Variants in HIVEP3 observed in about 807,000 individuals in gnomAD.
HIVEP3 encodes the protein HIVEP zinc finger 3, also known as transcription factor HIVEP3.
A neutral mutation model predicts 152.8 loss-of-function variants in HIVEP3; 49 were observed. The ratio of observed to expected loss-of-function variants is 0.32; its 90% CI spans 0.26 to 0.41. The LOEUF is 0.41. Among genes scored for constraint, HIVEP3 ranks in the 10% least tolerant of loss-of-function variants. HIVEP3 has a pLI of 1.00. For missense variants in HIVEP3, 2,790 were observed against 3,103.3 expected (o/e 0.90, Z 2.40); for synonymous variants, 1,269 against 1,289.0 (o/e 0.98, Z 0.33).
chr1:41,544,639 TCAC>T (rs1403013502), intron 5 of HIVEP3, among the ~76,000 whole-genome samples: 1 of 110,660 alleles, frequency 9.0e-6, no homozygotes, highest in African/African-American at 3.8e-5. Context: ...GCTACTACCA[TCAC>T]CACCACCACT....
intron 2 of HIVEP3, among the ~76,000 whole-genome samples, chr1:41,678,528 C>T (rs545149985): frequency 4.0e-5 from 6 of 150,780 alleles, no homozygotes; most frequent in East Asian, 1.9e-4. Context: ...GGGTGGCCTC[C>T]GGCTCGCGCT....
At chr1:41,710,316 A>C (rs1407297519) in intron 1 of HIVEP3, among the ~76,000 whole-genome samples, 1 of 152,144 alleles carries the variant, frequency 6.6e-6, no homozygotes, top group African/African-American at 2.4e-5. Flanking sequence ...CAAAAGGAAA[A>C]CAGAAGCACA....
intron 1 of HIVEP3, among the ~76,000 whole-genome samples, chr1:42,035,503 T>C (rs1645636420): frequency 6.6e-6 from 1 of 151,992 alleles, no homozygotes; most frequent in South Asian, 2.1e-4. Context: ...CGGGGACAGG[T>C]GTGGGGCCCG....
chr1:41,985,887 C>G (rs899434901), intron 1 of HIVEP3, among the ~76,000 whole-genome samples: 3 of 152,116 alleles, frequency 2.0e-5, no homozygotes, highest in African/African-American at 4.8e-5. Flanking sequence ...GCCTGGAAAA[C>G]TTTCAGTGCA....
intron 4 of HIVEP3, among the ~76,000 whole-genome samples, chr1:41,577,611 T>C (rs184134693): frequency 9.2e-5 from 14 of 152,262 alleles, no homozygotes; most frequent in Admixed American, 5.2e-4. Flanking sequence ...AAAAACATCA[T>C]GGGGTGTCCT....
At chr1:41,700,425 A>G (rs1193584008) in intron 2 of HIVEP3, among the ~76,000 whole-genome samples, 2 of 152,208 alleles carry the variant, frequency 1.3e-5, no homozygotes, top group South Asian at 4.1e-4. Context: ...CACACAGCTC[A>G]GTCCAGGATC....
At chr1:41,568,609 G>A (rs963289497) in intron 5 of HIVEP3, among the ~76,000 whole-genome samples, 1 of 152,242 alleles carries the variant, frequency 6.6e-6, no homozygotes, top group African/African-American at 2.4e-5. Context: ...ACCCAGGTGT[G>A]AGCTACCAGT....
At chr1:41,890,626 G>GA (rs1242370406) in intron 1 of HIVEP3, among the ~76,000 whole-genome samples, 1 of 152,242 alleles carries the variant, frequency 6.6e-6, no homozygotes, top group Non-Finnish European at 1.5e-5. Flanking sequence ...CTGAGGCTCA[G>GA]AGAAGTTAAG....
At chr1:41,611,664 T>A (rs1414249613) in intron 3 of HIVEP3, among the ~76,000 whole-genome samples, 1 of 152,218 alleles carries the variant, frequency 6.6e-6, no homozygotes, top group Non-Finnish European at 1.5e-5. Context: ...CAGCCTTTAA[T>A]CAAGGAAGCA....
At chr1:41,730,178 C>T (rs1335005049) in intron 1 of HIVEP3, among the ~76,000 whole-genome samples, 1 of 152,144 alleles carries the variant, frequency 6.6e-6, no homozygotes, top group African/African-American at 2.4e-5. Flanking sequence ...CCTCTTTGTC[C>T]ATTTGAGAGG....
chr1:41,935,810 C>T (rs1296773907), intron 1 of HIVEP3, among the ~76,000 whole-genome samples: 3 of 149,014 alleles, frequency 2.0e-5, no homozygotes, highest in African/African-American at 7.4e-5. Flanking sequence ...ATAAAGAGCC[C>T]TCTATAAGAT....
chr1:41,574,532 G>A (rs1456964694), intron 5 of HIVEP3, among the ~76,000 whole-genome samples: 2 of 152,108 alleles, frequency 1.3e-5, no homozygotes, highest in African/African-American at 4.8e-5. Context: ...TGGTGGCCCT[G>A]GGGAGGGTGG....
intron 1 of HIVEP3, among the ~76,000 whole-genome samples, chr1:41,728,208 T>C (rs978983977): frequency 6.6e-6 from 1 of 152,182 alleles, no homozygotes; most frequent in Non-Finnish European, 1.5e-5. Flanking sequence ...CTTGAGCAAG[T>C]GACTTGACCT....
At chr1:41,771,824 C>T (rs1245371513) in intron 1 of HIVEP3, among the ~76,000 whole-genome samples, 2 of 152,100 alleles carry the variant, frequency 1.3e-5, no homozygotes, top group Non-Finnish European at 2.9e-5. Flanking sequence ...GCCACCATGC[C>T]CGGCTAATTT....
chr1:41,852,296 G>A (rs1236393018), intron 1 of HIVEP3, among the ~76,000 whole-genome samples: 2 of 152,270 alleles, frequency 1.3e-5, no homozygotes, highest in East Asian at 1.9e-4. Context: ...ACAGCCATGA[G>A]CAGGGCAGCC....
intron 5 of HIVEP3, among the ~76,000 whole-genome samples, chr1:41,550,039 A>G (rs1389252026): frequency 6.6e-6 from 1 of 152,128 alleles, no homozygotes; most frequent in Admixed American, 6.5e-5. Context: ...TCCATCTTGA[A>G]TTAATTTTTG....
intron 1 of HIVEP3, among the ~76,000 whole-genome samples, chr1:41,745,416 C>A (rs1647056714): frequency 1.3e-5 from 2 of 152,220 alleles, no homozygotes; most frequent in African/African-American, 4.8e-5. Flanking sequence ...TAAAATTCTG[C>A]TTTGCAATCT....
chr1:41,702,466 C>T (rs1482240553), intron 1 of HIVEP3, among the ~76,000 whole-genome samples: 2 of 152,166 alleles, frequency 1.3e-5, no homozygotes, highest in East Asian at 1.9e-4. Context: ...GTTATTTAAC[C>T]TCTCTGAATT....
At chr1:41,978,003 T>A (rs559520763) in intron 1 of HIVEP3, among the ~76,000 whole-genome samples, 1 of 152,362 alleles carries the variant, frequency 6.6e-6, no homozygotes, top group Non-Finnish European at 1.5e-5. Context: ...GTCTCCGTAA[T>A]AAAAGAACTG....
Sources: allele counts gnomAD v4.1 joint callset (sites outside exome capture counted in the v4.1 genomes callset), GRCh38; gene constraint gnomAD v4.1.1; transcripts MANE v1.5; gene names NCBI Gene and HGNC (gene_info 2026-07-23, HGNC 2026-07-21).